Variants in ACOXL observed in about 807,000 individuals in gnomAD.
ACOXL encodes acyl-CoA oxidase like.
A neutral mutation model predicts 71.9 loss-of-function variants in ACOXL; 70 were observed. That is an observed-to-expected ratio of 0.97 (90% CI 0.80 to 1.19). The LOEUF (loss-of-function observed/expected upper bound fraction) is 1.19. Among genes scored for constraint, ACOXL ranks in the 50% most tolerant of loss-of-function variants. The probability of loss-of-function intolerance (pLI) is 0.00; values close to 1 mark genes in which losing one functional copy is unlikely to be tolerated. For missense variants in ACOXL, 703 were observed against 736.3 expected (o/e 0.95, Z 0.52); for synonymous variants, 253 against 281.6 (o/e 0.90, Z 1.02).
intron 4 of ACOXL, 88 bp downstream of exon 4, chr2:110,793,824 AAAAAT>A (rs1221512307): frequency 1.2e-5 from 14 of 1,138,574 alleles, no homozygotes; most frequent in East Asian, 1.2e-4. Context: ...GTGTTTGAAG[AAAAAT>A]AAAATAAAAC....
At chr2:110,852,463 G>GC (rs1473192023) in intron 10 of ACOXL, among the ~76,000 whole-genome samples, 1 of 152,198 alleles carries the variant, frequency 6.6e-6, no homozygotes, top group Non-Finnish European at 1.5e-5. Flanking sequence ...GCTTAAATTG[G>GC]CAAGACGTAA....
At chr2:110,968,315 G>A in intron 12 of ACOXL, 1 of 1,205,704 alleles carries the variant, frequency 8.3e-7, no homozygotes, top group South Asian at 1.2e-5. Flanking sequence ...AAATTTTTTG[G>A]CTCCCTGAAG....
chr2:111,073,327 C>T (rs533868937), intron 16 of ACOXL, among the ~76,000 whole-genome samples: 18 of 151,670 alleles, frequency 1.2e-4, no homozygotes, highest in African/African-American at 3.2e-4. Context: ...AAGAACTCTT[C>T]GTTAAACCTC....
chr2:110,934,028 A>G (rs981781771), intron 12 of ACOXL, among the ~76,000 whole-genome samples: 3 of 152,208 alleles, frequency 2.0e-5, no homozygotes, highest in Non-Finnish European at 4.4e-5. Context: ...CCTGGTGAGG[A>G]CACAGGAGGC....
chr2:110,933,883 T>C (rs1429980205), intron 12 of ACOXL, among the ~76,000 whole-genome samples: 1 of 152,204 alleles, frequency 6.6e-6, no homozygotes, highest in Non-Finnish European at 1.5e-5. Flanking sequence ...ATAAATATCA[T>C]GAAACTTCGT....
intron 16 of ACOXL, among the ~76,000 whole-genome samples, chr2:111,078,849 G>A (rs1251239351): frequency 6.6e-6 from 1 of 152,162 alleles, no homozygotes; most frequent in Non-Finnish European, 1.5e-5. Flanking sequence ...GAATGTTGAT[G>A]TTTTTGTTTT....
intron 16 of ACOXL, among the ~76,000 whole-genome samples, chr2:111,050,192 G>A (rs1201155338): frequency 2.0e-5 from 3 of 151,564 alleles, no homozygotes; most frequent in East Asian, 3.9e-4. Context: ...AGAAATGGGT[G>A]GAAAAAAAAT....
chr2:110,810,618 C>A (rs1331273579), intron 9 of ACOXL, among the ~76,000 whole-genome samples: 1 of 151,936 alleles, frequency 6.6e-6, no homozygotes, highest in Non-Finnish European at 1.5e-5. Context: ...TCTGTTCATC[C>A]ATCCATCATC....
Position 110,805,121 on chromosome 2 carries a change from T to C in ACOXL, c.621-142T>C, listed in dbSNP as rs1242443856. On this transcript the variant is annotated intron_variant, in intron 8 of 17. Transcript: ENST00000439055. ...TGGAGAGGGACTCCCCCTGCCCTTA[T>C]CGGCGCTCTGTCTCAAGGGGGAAGT... is the stretch of plus-strand genomic sequence containing the variant. 9 of 1,093,840 alleles carry C rather than the reference T, an allele frequency of 8.2e-6. No homozygotes were observed. The East Asian group carries it at 1.4e-4, about 17-fold the overall frequency. 67.8% of individuals were successfully genotyped at this position (1,093,840 alleles called of 1,614,324 possible). A position where few individuals can be genotyped will look rare whatever the true frequency, so the allele number is the denominator to read the frequency against.
intron 11 of ACOXL, among the ~76,000 whole-genome samples, chr2:110,930,961 C>A (rs2060459714): frequency 6.6e-6 from 1 of 152,202 alleles, no homozygotes; most frequent in Non-Finnish European, 1.5e-5. Flanking sequence ...ACAGTTCTAA[C>A]AGTTTGTTTA....
chr2:110,794,038 G>T lies in ACOXL; in HGVS notation c.247-38G>T. 2.5e-6 allele frequency: 4 copies of T among 1,600,028 alleles called. No individual in the cohort carries two copies. In the South Asian group the frequency reaches 3.3e-5, roughly 13 times the overall value. The stretch of plus-strand genomic sequence containing the variant: ...GGGTCTGCATTTGGAGCAACTGCCT[G>T]ACCAGCTAATTCCCTTCTAACATCT... On this transcript the variant is annotated intron_variant, in intron 4 of 17. Transcript: ENST00000439055.
intron 14 of ACOXL, among the ~76,000 whole-genome samples, chr2:111,003,550 C>CAAAAAAAA (rs548001377): frequency 0.048 from 1,688 of 35,282 alleles, 430 homozygotes; most frequent in Non-Finnish European, 0.06. Context: ...GACTCTGTCT[C>CAAAAAAAA]AAAAAAAAAA....
chr2:110,847,783 G>A (rs1385984848), intron 10 of ACOXL, among the ~76,000 whole-genome samples: 1 of 152,212 alleles, frequency 6.6e-6, no homozygotes, highest in Non-Finnish European at 1.5e-5. Flanking sequence ...GGGAACCTGC[G>A]TGTGATCGAA....
rs528935055 is a variant in ACOXL, at chr2:110,933,768, G to T, written c.1059+126G>T. The T allele has an allele frequency of 6.1e-4, 746 of 1,230,610 alleles. 2 individuals carry two copies. The highest frequency in any genetic ancestry group is 7.5e-4 in the Non-Finnish European group (685 of 914,710). 76.2% of individuals were successfully genotyped at this position (1,230,610 alleles called of 1,614,324 possible). A position where few individuals can be genotyped will look rare whatever the true frequency, so the allele number is the denominator to read the frequency against. ...AAATCCCAACTGCCCATGACTCTGG[G>T]TTCCTTCCTTACCAGCCTCATAGTC... On this transcript the variant is annotated intron_variant, in intron 12 of 17. Coordinates refer to ENST00000439055, the MANE Select transcript of ACOXL (RefSeq NM_001142807.4).
At chr2:110,817,789 A>G (rs1366693992) in intron 9 of ACOXL, among the ~76,000 whole-genome samples, 1 of 152,066 alleles carries the variant, frequency 6.6e-6, no homozygotes, top group Non-Finnish European at 1.5e-5. Context: ...ATATTTGCAT[A>G]TCTCATTTCT....
At chr2:110,937,672 T>A (rs1303779953) in intron 12 of ACOXL, among the ~76,000 whole-genome samples, 1 of 152,154 alleles carries the variant, frequency 6.6e-6, no homozygotes, top group Non-Finnish European at 1.5e-5. Context: ...TGGACTTGAG[T>A]CTGGGGGCTA....
At chr2:111,007,030 G>A (rs1328382065) in intron 14 of ACOXL, among the ~76,000 whole-genome samples, 2 of 152,144 alleles carry the variant, frequency 1.3e-5, no homozygotes, top group African/African-American at 2.4e-5. Context: ...AAGAAGGAAG[G>A]GGAGGCAAAG....
chr2:110,946,750 C>T (rs1558770787), intron 12 of ACOXL, among the ~76,000 whole-genome samples: 1 of 152,128 alleles, frequency 6.6e-6, no homozygotes, highest in Non-Finnish European at 1.5e-5. Flanking sequence ...CTGAGCTGCC[C>T]CGTGGTTAGT....
At chr2:110,855,976 T>G (rs748368967) in intron 10 of ACOXL, among the ~76,000 whole-genome samples, 6 of 152,240 alleles carry the variant, frequency 3.9e-5, no homozygotes, top group Admixed American at 6.5e-5. Flanking sequence ...GTTCTGTTTC[T>G]GTCCTATCAG....
Sources: gnomAD v4.1 joint callset for allele counts (sites outside exome capture counted in the v4.1 genomes callset) on GRCh38, gnomAD v4.1.1 for gene constraint, MANE v1.5 for transcripts, NCBI Gene and HGNC (gene_info 2026-07-23, HGNC 2026-07-21) for gene names.